Variants in SYNE1 observed in about 807,000 individuals in gnomAD.
SYNE1 encodes the protein spectrin repeat containing nuclear envelope protein 1.
SYNE1 carries 616 observed loss-of-function variants against 1,111.0 expected under a neutral mutation model. The observed-to-expected ratio is 0.55, with a 90% CI of 0.52 to 0.59. SYNE1 has a LOEUF of 0.59. SYNE1 is among the 20% of genes least tolerant of loss of function. The probability of loss-of-function intolerance (pLI) is 0.00; values close to 1 mark genes in which losing one functional copy is unlikely to be tolerated. For missense variants in SYNE1, 10,006 were observed against 10,417.0 expected (o/e 0.96, Z 1.72); for synonymous variants, 3,855 against 3,825.8 (o/e 1.01, Z -0.28).
intron 132 of SYNE1, 42 bp from the exon 133 acceptor site, chr6:152,155,084 C>T: frequency 1.9e-6 from 3 of 1,613,208 alleles, no homozygotes; most frequent in Non-Finnish European, 2.5e-6. Context: ...TTATTGGAGA[C>T]TGTTTTCGCT....
At chr6:152,196,328 T>C (rs73780647) in intron 127 of SYNE1, among the ~76,000 whole-genome samples, 13,013 of 152,076 alleles carry the variant, frequency 0.086, 660 homozygotes, top group African/African-American at 0.14. Context: ...TTCTTGCCTC[T>C]CTTTTTTGTA....
At chr6:152,373,845 T>C (rs1420830464) in intron 58 of SYNE1, among the ~76,000 whole-genome samples, 1 of 152,172 alleles carries the variant, frequency 6.6e-6, no homozygotes, top group Non-Finnish European at 1.5e-5. Flanking sequence ...ACAAAACAAA[T>C]GCCTTGTAGT....
chr6:152,193,473 C>T (rs2073134819), intron 127 of SYNE1, among the ~76,000 whole-genome samples: 1 of 151,986 alleles, frequency 6.6e-6, no homozygotes, highest in Non-Finnish European at 1.5e-5. Flanking sequence ...ACACGCCACC[C>T]CACCTGGTTA....
intron 8 of SYNE1, among the ~76,000 whole-genome samples, chr6:152,507,659 A>G (rs2099064891): frequency 1.3e-5 from 2 of 152,166 alleles, no homozygotes; most frequent in African/African-American, 4.8e-5. Context: ...TCTAATATGT[A>G]TTTACTTCAA....
intron 50 of SYNE1, among the ~76,000 whole-genome samples, chr6:152,395,958 C>A (rs77945565): frequency 6.6e-6 from 1 of 152,148 alleles, no homozygotes; most frequent in South Asian, 2.1e-4. Flanking sequence ...CACATTCCCA[C>A]GTCAATGAGC....
Position 152,396,821 on chromosome 6 carries a change from G to A in SYNE1, c.7510C>T (p.Leu2504Phe), listed in dbSNP as rs771562942. 6.2e-7 allele frequency: 1 copy of A among 1,614,128 alleles called. No individual in the cohort carries two copies. Residue 2504 changes from leucine to phenylalanine, a missense_variant, in exon 50 of 146, where the codon CTT (leucine) becomes TTT (phenylalanine). Coordinates refer to ENST00000367255, the MANE Select transcript of SYNE1 (RefSeq NM_182961.4). ...EEFQAFLKQCLKDKQALQDCA... is the reference protein window; with the variant it reads ...EEFQAFLKQCFKDKQALQDCA... ...TCTTGAAGAGCCTGCTTATCTTTAAGGCATTGTTTCAGAAATGCTTGAAAC... is the reference window on the plus strand; with the variant it reads ...TCTTGAAGAGCCTGCTTATCTTTAAAGCATTGTTTCAGAAATGCTTGAAAC...
At chr6:152,408,450 C>T (rs7741296) in intron 44 of SYNE1, among the ~76,000 whole-genome samples, 12,562 of 152,102 alleles carry the variant, frequency 0.083, 1,151 homozygotes, top group African/African-American at 0.23. Context: ...ATAGAATGTT[C>T]ATAAATTCTT....
intron 3 of SYNE1, among the ~76,000 whole-genome samples, chr6:152,543,648 T>C (rs2099286342): frequency 6.6e-6 from 1 of 152,232 alleles, no homozygotes; most frequent in South Asian, 2.1e-4. Flanking sequence ...TGCATAATGA[T>C]TTTTTGGCCA....
At chr6:152,171,012 A>T (rs575185854) in intron 130 of SYNE1, among the ~76,000 whole-genome samples, 2 of 152,288 alleles carry the variant, frequency 1.3e-5, no homozygotes, top group South Asian at 4.1e-4. Context: ...CCTGTCTGCC[A>T]CCATGTAAGA....
rs1554410681 is a variant in SYNE1 at position 152,310,494 on chromosome 6, A to G, written c.16921T>C (p.Leu5641=). 6.2e-7 allele frequency: 1 copy of G among 1,613,984 alleles called. No individual in the cohort carries two copies. Among genetic ancestry groups the G allele is most frequent in the Non-Finnish European group, 8.5e-7 (1 of 1,179,986 alleles). The change falls in exon 89 of 146, where the codon TTG becomes CTG. Residue 5641 remains leucine (L), a synonymous_variant. Transcript: ENST00000367255. ...TCCAAGGCAGCTTGTAACTTTTTCA[A>G]CTCTGCTTCAAATTTTTTCATATCC... ...AKDMKKFEAE[L]KKLQAALEQA...
chr6:152,166,475 G>A (rs1209516663), intron 130 of SYNE1, among the ~76,000 whole-genome samples: 6 of 151,888 alleles, frequency 4.0e-5, no homozygotes, highest in African/African-American at 1.2e-4. Flanking sequence ...CGTTTTTTTG[G>A]TTCAAAACTC....
chr6:152,183,532 CG>C (rs1028515228), intron 128 of SYNE1, among the ~76,000 whole-genome samples: 5 of 151,928 alleles, frequency 3.3e-5, no homozygotes, highest in Non-Finnish European at 7.4e-5. Context: ...GCCCGGGAGG[CG>C]GAAGATGCAG....
intron 2 of SYNE1, among the ~76,000 whole-genome samples, chr6:152,632,430 T>C (rs1209568948): frequency 1.3e-5 from 2 of 152,222 alleles, no homozygotes; most frequent in African/African-American, 4.8e-5. Context: ...TTACTGATAC[T>C]TTATCTAATT....
chr6:152,505,100 TG>T, intron 9 of SYNE1, 100 bp downstream of exon 9: 1 of 1,336,844 alleles, frequency 7.5e-7, no homozygotes, highest in Non-Finnish European at 1.1e-6. Context: ...TCCAGCTTTC[TG>T]GCCTCCAATA....
At chr6:152,465,846 G>C in intron 17 of SYNE1, 136 bp downstream of exon 17, 1 of 680,890 alleles carries the variant, frequency 1.5e-6, no homozygotes, top group South Asian at 1.7e-5. Context: ...ACTGAATCCA[G>C]TATGTGTTCT....
chr6:152,595,859 C>T (rs1055648220), intron 3 of SYNE1, among the ~76,000 whole-genome samples: 2 of 152,114 alleles, frequency 1.3e-5, no homozygotes, highest in Non-Finnish European at 1.5e-5. Context: ...AAGGTCTAGT[C>T]CCACTCTGAA....
At chr6:152,593,525 T>C (rs1436380683) in intron 3 of SYNE1, among the ~76,000 whole-genome samples, 1 of 151,964 alleles carries the variant, frequency 6.6e-6, no homozygotes, top group African/African-American at 2.4e-5. Context: ...GAGCTTATAG[T>C]GAGCTGAGAT....
chr6:152,376,719 C>A, intron 57 of SYNE1, 57 bp downstream of exon 57: 1 of 1,607,308 alleles, frequency 6.2e-7, no homozygotes, highest in Non-Finnish European at 8.5e-7. Context: ...TTAAAATAAA[C>A]TTCTAGCTTC....
chr6:152,560,437 T>C (rs1365898355), intron 3 of SYNE1, among the ~76,000 whole-genome samples: 1 of 151,290 alleles, frequency 6.6e-6, no homozygotes, highest in Non-Finnish European at 1.5e-5. Context: ...GAGATTGAAG[T>C]AGTAAGAAAA....
Sources: gnomAD v4.1 joint callset for allele counts (sites outside exome capture counted in the v4.1 genomes callset) on GRCh38, gnomAD v4.1.1 for gene constraint, MANE v1.5 for transcripts, NCBI Gene and HGNC (gene_info 2026-07-23, HGNC 2026-07-21) for gene names.